PTPN4: variants seen among roughly 807,000 people sequenced by gnomAD.
PTPN4 encodes tyrosine-protein phosphatase non-receptor type 4.
Under a neutral mutation model 135.5 loss-of-function variants are expected in PTPN4, and 49 were observed. The ratio of observed to expected loss-of-function variants is 0.36; its 90% CI spans 0.29 to 0.46. The LOEUF is 0.46. Ranked by LOEUF, PTPN4 falls within the 20% of genes least tolerant of loss-of-function variation. The probability of loss-of-function intolerance (pLI) is 1.00; values close to 1 mark genes in which losing one functional copy is unlikely to be tolerated. For missense variants in PTPN4, 860 were observed against 1,101.0 expected, an observed-to-expected ratio of 0.78 and a Z score of 3.10; for synonymous variants, 333 against 369.9, an observed-to-expected ratio of 0.90 and a Z score of 1.14.
At chr2:119,793,379 C>A (rs1050792852) in intron 1 of PTPN4, among the ~76,000 whole-genome samples, 1 of 152,256 alleles carries the variant, frequency 6.6e-6, no homozygotes, top group Non-Finnish European at 1.5e-5. Flanking sequence ...CTCCCTTGTC[C>A]CCTGAACATC....
intron 2 of PTPN4, among the ~76,000 whole-genome samples, chr2:119,815,437 T>C (rs1008195821): frequency 6.6e-6 from 1 of 152,204 alleles, no homozygotes; most frequent in Non-Finnish European, 1.5e-5. Flanking sequence ...ATATGTTATT[T>C]TTGAAATTCC....
intron 12 of PTPN4, among the ~76,000 whole-genome samples, chr2:119,924,380 C>G (rs927812359): frequency 2.0e-5 from 3 of 151,722 alleles, no homozygotes; most frequent in Non-Finnish European, 4.4e-5. Context: ...GCCTGTATGT[C>G]TAGCCTTTTT....
chr2:119,951,884 C>T, intron 18 of PTPN4, 89 bp from the exon 19 acceptor site: 1 of 1,035,880 alleles, frequency 9.7e-7, no homozygotes, highest in Non-Finnish European at 1.3e-6. Context: ...TTTAGTTCTC[C>T]TGCTATTGGG....
intron 26 of PTPN4, among the ~76,000 whole-genome samples, chr2:119,975,667 G>A (rs765644264): frequency 9.2e-5 from 14 of 152,154 alleles, no homozygotes; most frequent in Non-Finnish European, 1.9e-4. Flanking sequence ...GGAGGTTGCA[G>A]TAAGTCAAGA....
intron 22 of PTPN4, among the ~76,000 whole-genome samples, chr2:119,958,253 CTTGAGCCTGAGAGG>C: frequency 6.6e-6 from 1 of 150,742 alleles, no homozygotes; most frequent in East Asian, 2.0e-4. Flanking sequence ...GGGAGAATTG[CTTGAGCCTGAGAGG>C]TTGAGGCTGC....
Position 119,883,923 on chromosome 2 carries a change from G to A in PTPN4, c.587+1300G>A, listed in dbSNP as rs148123139. Among the ~76,000 whole-genome samples, 973 of 152,200 alleles carry A rather than the reference G, an allele frequency of 6.4e-3. 8 individuals are homozygous for A. Among genetic ancestry groups the A allele is most frequent in the African/African-American group, 0.022 (920 of 41,524 alleles). On this transcript the variant is annotated intron_variant, in intron 8 of 26. Transcript: ENST00000263708. ...GATAACAAACCATGGCCATTGAAAC[G>A]GAGTCTCGCTCTGTTGCCCAGGCTG...
chr2:119,915,405 T>A, intron 11 of PTPN4, 163 bp downstream of exon 11: 1 of 483,328 alleles, frequency 2.1e-6, no homozygotes, highest in Non-Finnish European at 3.5e-6. Flanking sequence ...AATGTACTTG[T>A]TTTTCCAGTG....
chr2:119,779,473 C>G (rs533016239), intron 1 of PTPN4, among the ~76,000 whole-genome samples: 1 of 152,000 alleles, frequency 6.6e-6, no homozygotes, highest in Non-Finnish European at 1.5e-5. Flanking sequence ...AAAAATTAGC[C>G]GGGCATAGTT....
In PTPN4 at chr2:119,962,734, T is replaced by C; in HGVS notation, c.2399T>C (p.Phe800Ser). Reference sequence around the variant, plus strand: ...TATATCTTCAGGAAGATGACCCTATTTAACCAAGAGGTAAGAAGGCAGGAT... The same window carrying C: ...TATATCTTCAGGAAGATGACCCTATCTAACCAAGAGGTAAGAAGGCAGGAT... ...TAYIFRKMTL[F>S]NQEKNESRPL... Residue 800 changes from phenylalanine to serine, a missense_variant, in exon 24 of 27, where the codon TTT becomes TCT. Physicochemically the swap from Phe to Ser is radical, Grantham distance 155. This residue lies in a region of PTPN4 where 176 missense variants were observed against 294.1 expected (regional missense o/e 0.60). Coordinates refer to ENST00000263708, the MANE Select transcript of PTPN4 (RefSeq NM_002830.4). 1 of 1,581,878 alleles carries C rather than the reference T, an allele frequency of 6.3e-7. No homozygotes were observed. Among genetic ancestry groups the C allele is most frequent in the Non-Finnish European group, 8.6e-7 (1 of 1,159,018 alleles).
chr2:119,866,932 T>G (rs1056006130), intron 3 of PTPN4, among the ~76,000 whole-genome samples: 1 of 152,112 alleles, frequency 6.6e-6, no homozygotes, highest in African/African-American at 2.4e-5. Flanking sequence ...CTAAATGCAA[T>G]TTTTTGCTTC....
chr2:119,867,741 A>G (rs1327517461), intron 3 of PTPN4, among the ~76,000 whole-genome samples: 1 of 152,190 alleles, frequency 6.6e-6, no homozygotes, highest in African/African-American at 2.4e-5. Context: ...AAACCCCAAG[A>G]TAACTAACTG....
chr2:119,768,444 G>A (rs550697930), intron 1 of PTPN4, among the ~76,000 whole-genome samples: 8 of 152,206 alleles, frequency 5.3e-5, no homozygotes, highest in African/African-American at 1.9e-4. Context: ...ACTTTTAGGG[G>A]GATAGAGCTA....
At chr2:119,826,267 G>C (rs954831946) in intron 2 of PTPN4, among the ~76,000 whole-genome samples, 1 of 152,158 alleles carries the variant, frequency 6.6e-6, no homozygotes, top group Non-Finnish European at 1.5e-5. Context: ...CAAAATCCAT[G>C]TTAAAACCTA....
At chr2:119,895,053 G>A (rs1320544791) in intron 9 of PTPN4, among the ~76,000 whole-genome samples, 6 of 152,140 alleles carry the variant, frequency 3.9e-5, no homozygotes, top group African/African-American at 1.4e-4. Flanking sequence ...AGAAAAAGTT[G>A]TATAAAGATA....
intron 1 of PTPN4, among the ~76,000 whole-genome samples, chr2:119,785,684 A>G (rs1021579066): frequency 6.6e-6 from 1 of 152,142 alleles, no homozygotes; most frequent in Non-Finnish European, 1.5e-5. Context: ...GAACACTTAC[A>G]TACTTTACCA....
At chr2:119,809,677 T>C (rs1259258870) in intron 1 of PTPN4, among the ~76,000 whole-genome samples, 160 bp from the exon 2 acceptor site, 1 of 152,198 alleles carries the variant, frequency 6.6e-6, no homozygotes, top group Non-Finnish European at 1.5e-5. Context: ...TGATGAACTA[T>C]ATATAACTTA....
chr2:119,799,770 GGTTAGCTTCAA>G (rs1356220437), intron 1 of PTPN4, among the ~76,000 whole-genome samples: 2 of 152,120 alleles, frequency 1.3e-5, no homozygotes, highest in Non-Finnish European at 2.9e-5. Context: ...TGACTAGGTG[GGTTAGCTTCAA>G]GTGCTGGTTC....
intron 1 of PTPN4, among the ~76,000 whole-genome samples, chr2:119,804,309 TA>T (rs1691427835): frequency 6.6e-6 from 1 of 152,138 alleles, no homozygotes; most frequent in African/African-American, 2.4e-5. Context: ...CTTTAAGTTC[TA>T]GGGTACATGT....
chr2:119,893,709 C>G (rs1026508721), intron 9 of PTPN4, among the ~76,000 whole-genome samples: 2 of 152,058 alleles, frequency 1.3e-5, no homozygotes, highest in African/African-American at 2.4e-5. Flanking sequence ...GAAAGGAGAG[C>G]CTTTCTTTCT....
Sources: gnomAD v4.1 joint callset for allele counts (sites outside exome capture counted in the v4.1 genomes callset) on GRCh38, gnomAD v4.1.1 for gene constraint, gnomAD v4.1.1 regional missense constraint, MANE v1.5 for transcripts, NCBI Gene and HGNC (gene_info 2026-07-23, HGNC 2026-07-21) for gene names.